The following CDS1 variants were observed in gnomAD, a reference collection of about 807,000 sequenced individuals.
The protein encoded by CDS1 is CDP-diacylglycerol synthase 1.
CDS1 carries 41 observed loss-of-function variants against 62.1 expected under a neutral mutation model. The ratio of observed to expected loss-of-function variants is 0.66; its 90% CI spans 0.51 to 0.86. CDS1 has a LOEUF of 0.86. Ranked by LOEUF, CDS1 falls within the 40% of genes least tolerant of loss-of-function variation. CDS1 has a pLI of 0.00. For synonymous variants in CDS1, 185 were observed against 192.6 expected, an observed-to-expected ratio of 0.96 and a Z score of 0.32; for missense variants, 470 against 550.1, an observed-to-expected ratio of 0.85 and a Z score of 1.46.
At chr4:84,599,324 A>G (rs1722846991) in intron 1 of CDS1, among the ~76,000 whole-genome samples, 1 of 150,528 alleles carries the variant, frequency 6.6e-6, no homozygotes, top group South Asian at 2.1e-4. Context: ...ATTGCACTTC[A>G]TTGTATAATT....
rs186143417 is a variant in CDS1, at chr4:84,626,552, C to T, written c.581-5267C>T. ...CCTTCTGCCTCAGACTCCTTGGTAG[C>T]TGGGATTACAGGCGTGTATTACCAC... On this transcript the variant is annotated intron_variant, in intron 5 of 12. Coordinates refer to ENST00000295887, the MANE Select transcript of CDS1 (RefSeq NM_001263.4). 1.5e-3 allele frequency among the ~76,000 whole-genome samples: 221 copies of T among 152,278 alleles called. 2 individuals are homozygous for T. Among genetic ancestry groups the T allele is most frequent in the South Asian group, 4.6e-3 (22 of 4,828 alleles).
intron 3 of CDS1, among the ~76,000 whole-genome samples, chr4:84,611,753 T>C (rs1453960413): frequency 1.3e-5 from 2 of 152,164 alleles, no homozygotes; most frequent in African/African-American, 2.4e-5. Flanking sequence ...AAATGGATAA[T>C]AAATAGGACA....
chr4:84,614,640 C>T lies in CDS1; in HGVS notation c.343-2924C>T, dbSNP rs183888847. On this transcript the variant is annotated intron_variant, in intron 3 of 12. Coordinates refer to ENST00000295887, the MANE Select transcript of CDS1 (RefSeq NM_001263.4). ...AGATCTGAACTTCTAGTCCATACCT[C>T]GGCCATCCAGAGTAAATCTGTTGTC... Among the ~76,000 whole-genome samples, 304 of 152,252 alleles carry T rather than the reference C, an allele frequency of 2.0e-3. 1 individual carries two copies. Among genetic ancestry groups the T allele is most frequent in the Middle Eastern group, 0.017 (5 of 294 alleles).
intron 8 of CDS1, among the ~76,000 whole-genome samples, chr4:84,636,821 G>A (rs115589654): frequency 0.019 from 2,848 of 152,208 alleles, 84 homozygotes; most frequent in African/African-American, 0.065. Context: ...CACCACACCC[G>A]GCCTAAAAGA....
chr4:84,589,481 TA>T (rs928010216), intron 1 of CDS1, among the ~76,000 whole-genome samples: 1 of 152,354 alleles, frequency 6.6e-6, no homozygotes, highest in African/African-American at 2.4e-5. Flanking sequence ...AGGCCATTAA[TA>T]AAATACTAAT....
intron 10 of CDS1, among the ~76,000 whole-genome samples, chr4:84,642,800 G>T (rs1258012446): frequency 2.6e-5 from 4 of 152,194 alleles, no homozygotes; most frequent in African/African-American, 9.7e-5. Flanking sequence ...CCAGTTGCCT[G>T]TCATTATTCT....
Position 84,643,022 on chromosome 4 carries a change from A to C in CDS1, c.1033-2A>C. On this transcript the variant is annotated splice_acceptor_variant, in intron 10 of 12. Coordinates refer to ENST00000295887, the MANE Select transcript of CDS1 (RefSeq NM_001263.4). LOFTEE classifies it high-confidence loss of function. ...TCTCCTCCCCTTCTTTCTCCTCTTTAGGAAAGAGTGAGCTTGTACCCTTTC... is the reference window on the plus strand; with the variant it reads ...TCTCCTCCCCTTCTTTCTCCTCTTTCGGAAAGAGTGAGCTTGTACCCTTTC... The C allele has an allele frequency of 6.3e-7, 1 of 1,590,248 alleles. No individual in the cohort carries two copies. Among genetic ancestry groups the C allele is most frequent in the South Asian group, 1.2e-5 (1 of 85,830 alleles).
At chr4:84,596,903 C>T (rs1293868584) in intron 1 of CDS1, among the ~76,000 whole-genome samples, 2 of 152,058 alleles carry the variant, frequency 1.3e-5, no homozygotes, top group Non-Finnish European at 2.9e-5. Flanking sequence ...TAAGACTCTT[C>T]ACACTGTGGG....
intron 1 of CDS1, among the ~76,000 whole-genome samples, chr4:84,598,910 G>A (rs1184169554): frequency 6.6e-6 from 1 of 152,070 alleles, no homozygotes; most frequent in Non-Finnish European, 1.5e-5. Flanking sequence ...CCTTGTCCTT[G>A]TTCTTGTCCT....
intron 1 of CDS1, among the ~76,000 whole-genome samples, chr4:84,590,257 C>T (rs1560462655): frequency 6.6e-6 from 1 of 152,192 alleles, no homozygotes; most frequent in Non-Finnish European, 1.5e-5. Context: ...TTGATGCTTC[C>T]TTTCAAAGAG....
rs1724680524 is a variant in CDS1 at position 84,649,900 on chromosome 4, A to G, written c.*1214A>G. The G allele has an allele frequency of 6.6e-6, 1 of 152,218 alleles. No individual in the cohort carries two copies. Among genetic ancestry groups the G allele is most frequent in the South Asian group, 2.1e-4 (1 of 4,832 alleles). 9.4% of individuals were successfully genotyped at this position (152,218 alleles called of 1,614,324 possible). Reference sequence around the variant, plus strand: ...AAACCTTTCCTTTGGTGGACTGGACACTAACCAGATGAGAGTAAATTTCTT... The same window carrying G: ...AAACCTTTCCTTTGGTGGACTGGACGCTAACCAGATGAGAGTAAATTTCTT... On this transcript the variant is annotated 3_prime_UTR_variant, in exon 13 of 13. Coordinates refer to ENST00000295887, the MANE Select transcript of CDS1 (RefSeq NM_001263.4).
At position 84,619,520 on chromosome 4, in the gene CDS1, C is replaced by T. The variant is rs1395021529; in HGVS notation, c.567C>T (p.Ala189=). 1 of 1,588,400 alleles carries T rather than the reference C, an allele frequency of 6.3e-7. No individual in the cohort carries two copies. The highest frequency in any genetic ancestry group is 1.2e-5 in the South Asian group (1 of 85,476). ...LIRYHRFISF[A]LYLAGFCMFV... Reference sequence around the variant, plus strand: ...GCTACCATAGATTTATATCATTTGCCCTCTATCTGGCAGGTAAGTTAAGGA... The same window carrying T: ...GCTACCATAGATTTATATCATTTGCTCTCTATCTGGCAGGTAAGTTAAGGA... Residue 189 remains alanine, a synonymous_variant, in exon 5 of 13, where the codon GCC becomes GCT. Coordinates refer to ENST00000295887, the MANE Select transcript of CDS1 (RefSeq NM_001263.4).
intron 12 of CDS1, among the ~76,000 whole-genome samples, chr4:84,647,178 C>A (rs1724582174): frequency 6.6e-6 from 1 of 151,962 alleles, no homozygotes; most frequent in African/African-American, 2.4e-5. Context: ...TTCTAGTAAG[C>A]ATATAGCTGA....
intron 11 of CDS1, among the ~76,000 whole-genome samples, chr4:84,644,739 A>G (rs1260499877): frequency 6.6e-6 from 1 of 152,158 alleles, no homozygotes; most frequent in Non-Finnish European, 1.5e-5. Context: ...TTTTTACTCT[A>G]ACACTTAAAA....
intron 4 of CDS1, among the ~76,000 whole-genome samples, chr4:84,619,130 T>A (rs1723592567): frequency 6.6e-6 from 1 of 152,038 alleles, no homozygotes. Context: ...TGTGTAGTAT[T>A]TTCTACATTG....
At chr4:84,635,739 C>G (rs1232704382) in intron 8 of CDS1, among the ~76,000 whole-genome samples, 1 of 115,594 alleles carries the variant, frequency 8.7e-6, no homozygotes, top group Non-Finnish European at 1.8e-5. Flanking sequence ...TTCATTTTAT[C>G]TTTATGTGGT....
chr4:84,641,160 T>C (rs967247473), intron 10 of CDS1, among the ~76,000 whole-genome samples, 170 bp downstream of exon 10: 5 of 152,040 alleles, frequency 3.3e-5, no homozygotes, highest in Admixed American at 1.3e-4. Flanking sequence ...ACTGCAACCT[T>C]TGCTCAAGTG....
Position 84,643,087 on chromosome 4 carries a change from A to G in CDS1, c.1096A>G (p.Ile366Val). The change falls in exon 11 of 13, where the codon ATT (isoleucine) becomes GTT (valine). Residue 366 changes from isoleucine to valine, a missense_variant. This residue lies in a region of CDS1 where 214 missense variants were observed against 242.4 expected (regional missense o/e 0.88). Transcript: ENST00000295887. ...SIALSTFASL[I>V]GPFGGFFASG... The stretch of plus-strand genomic sequence containing the variant: ...TGCACTGTCAACCTTTGCATCTTTA[A>G]TTGGCCCATTTGGAGGCTTCTTTGC... 6.2e-7 allele frequency: 1 copy of G among 1,613,372 alleles called. No homozygotes were observed. The highest frequency in any genetic ancestry group is 8.5e-7 in the Non-Finnish European group (1 of 1,179,608).
At chr4:84,645,081 A>G (rs1560485420) in intron 11 of CDS1, 141 bp from the exon 12 acceptor site, 1 of 639,644 alleles carries the variant, frequency 1.6e-6, no homozygotes, top group South Asian at 1.8e-5. Flanking sequence ...ATGTGTTCTA[A>G]TAAGTTTTTA....
Sources: allele counts gnomAD v4.1 joint callset (sites outside exome capture counted in the v4.1 genomes callset), GRCh38; gene constraint gnomAD v4.1.1; regional missense constraint gnomAD v4.1.1; transcripts MANE v1.5; gene names NCBI Gene and HGNC (gene_info 2026-07-23, HGNC 2026-07-21).